Variants in CORO2B observed in about 807,000 individuals in gnomAD.
The protein encoded by CORO2B is coronin 2B.
CORO2B carries 26 observed loss-of-function variants against 58.8 expected under a neutral mutation model. The ratio of observed to expected loss-of-function variants is 0.44; its 90% CI spans 0.32 to 0.61. The LOEUF (loss-of-function observed/expected upper bound fraction) is 0.61. CORO2B is among the 20% of genes least tolerant of loss of function. The pLI, the probability that CORO2B is intolerant of heterozygous loss-of-function variation, is 0.04. For synonymous variants in CORO2B, 242 were observed against 253.8 expected (o/e 0.95, Z 0.44); for missense variants, 460 against 645.1 (o/e 0.71, Z 3.11).
At chr15:68,679,188 C>T (rs888278884) in intron 2 of CORO2B, among the ~76,000 whole-genome samples, 2 of 152,214 alleles carry the variant, frequency 1.3e-5, no homozygotes, top group Non-Finnish European at 2.9e-5. Flanking sequence ...GGGAATCATC[C>T]CATCTTATTC....
the CORO2B span, among the ~76,000 whole-genome samples, chr15:68,560,344 G>C: frequency 6.7e-6 from 1 of 150,142 alleles, no homozygotes; most frequent in Non-Finnish European, 1.5e-5. Context: ...ACCCAGGCTG[G>C]AGTGCAGTGG....
chr15:68,725,745 G>A (rs747541173), intron 11 of CORO2B, 98 bp from the exon 12 acceptor site: 488 of 1,512,230 alleles, frequency 3.2e-4, no homozygotes, highest in Non-Finnish European at 4.2e-4. Flanking sequence ...GGAATGTGAG[G>A]GCACGGGCGG....
At chr15:68,644,272 A>C (rs1427266239) in intron 1 of CORO2B, among the ~76,000 whole-genome samples, 1 of 152,198 alleles carries the variant, frequency 6.6e-6, no homozygotes, top group Non-Finnish European at 1.5e-5. Flanking sequence ...TCATCACATG[A>C]GACTCTCCAG....
At chr15:68,709,915 G>A (rs1375413649) in intron 3 of CORO2B, among the ~76,000 whole-genome samples, 1 of 152,108 alleles carries the variant, frequency 6.6e-6, no homozygotes, top group Non-Finnish European at 1.5e-5. Flanking sequence ...TGATTAAATA[G>A]TTGAAGCTAT....
At chr15:68,559,128 G>A in the CORO2B span, among the ~76,000 whole-genome samples, 6 of 152,054 alleles carry the variant, frequency 3.9e-5, no homozygotes, top group Admixed American at 2.6e-4. The surrounding 1 kb of genome is among the most constrained non-coding windows in gnomAD (Gnocchi z 4.3). Flanking sequence ...CCAGGAGAGC[G>A]GCCGGCACCC....
At position 68,579,154 on chromosome 15, in the gene CORO2B, GC is replaced by G. The variant is rs1397967924; in HGVS notation, c.-108del. The G allele has an allele frequency of 1.0e-6, 1 of 980,968 alleles. No individual in the cohort carries two copies. Among genetic ancestry groups the G allele is most frequent in the Non-Finnish European group, 1.2e-6 (1 of 828,142 alleles). The allele number at this position is 980,968 out of a possible 1,614,324, so 60.8% of individuals were successfully genotyped here. A position where few individuals can be genotyped will look rare whatever the true frequency, so the allele number is the denominator to read the frequency against. On this transcript the variant is annotated 5_prime_UTR_variant, in exon 1 of 12. Transcript: ENST00000261861. Reference sequence around the variant, plus strand: ...GGCTCGGCCGAGCCGCCGGCGGGGCGCGGGGAGCGAGCCGGGAGCTGCCGGA... The same window carrying G: ...GGCTCGGCCGAGCCGCCGGCGGGGCGGGGGAGCGAGCCGGGAGCTGCCGGA...
intron 1 of CORO2B, among the ~76,000 whole-genome samples, chr15:68,594,426 G>T (rs11634526): frequency 1.3e-5 from 2 of 152,204 alleles, no homozygotes; most frequent in Non-Finnish European, 2.9e-5. Flanking sequence ...GCTCTCACCA[G>T]GTTCCCCAGC....
intron 3 of CORO2B, among the ~76,000 whole-genome samples, chr15:68,703,079 G>A (rs954327960): frequency 4.0e-5 from 6 of 150,060 alleles, no homozygotes; most frequent in South Asian, 2.1e-4. Context: ...CACCCGCCTC[G>A]CATCCCAAAG....
chr15:68,683,741 A>G (rs1031721215), intron 2 of CORO2B, among the ~76,000 whole-genome samples: 4 of 152,060 alleles, frequency 2.6e-5, no homozygotes, highest in African/African-American at 9.7e-5. Context: ...AGCATGTTCT[A>G]CCTCTCGGCA....
chr15:68,585,756 C>T (rs1430770799), intron 1 of CORO2B, among the ~76,000 whole-genome samples: 1 of 152,172 alleles, frequency 6.6e-6, no homozygotes, highest in East Asian at 1.9e-4. Context: ...TGGTTGTGTC[C>T]TGCTTAGATT....
intron 3 of CORO2B, among the ~76,000 whole-genome samples, chr15:68,701,310 CT>C (rs977104029): frequency 6.6e-6 from 1 of 151,224 alleles, no homozygotes; most frequent in East Asian, 2.0e-4. Flanking sequence ...TCTTTTTTTT[CT>C]TTTTTTTCTT....
At chr15:68,628,655 C>A (rs1900746794) in intron 1 of CORO2B, among the ~76,000 whole-genome samples, 1 of 152,198 alleles carries the variant, frequency 6.6e-6, no homozygotes, top group Non-Finnish European at 1.5e-5. Context: ...CACATCAGCT[C>A]CATGAGGAGG....
At chr15:68,650,900 C>T (rs957906967) in intron 2 of CORO2B, among the ~76,000 whole-genome samples, 1 of 152,184 alleles carries the variant, frequency 6.6e-6, no homozygotes, top group Admixed American at 6.5e-5. Context: ...GGGCCCCATC[C>T]GCTAGGTTTG....
intron 2 of CORO2B, among the ~76,000 whole-genome samples, chr15:68,648,385 G>A (rs1469324939): frequency 6.6e-6 from 1 of 151,254 alleles, no homozygotes; most frequent in Non-Finnish European, 1.5e-5. Flanking sequence ...AGTGGCTCAC[G>A]CCTGTAATCC....
chr15:68,556,497 T>G, the CORO2B span, among the ~76,000 whole-genome samples: 1 of 152,160 alleles, frequency 6.6e-6, no homozygotes, highest in Non-Finnish European at 1.5e-5. Flanking sequence ...GGTCCTTCAG[T>G]GCAAGGCTGA....
At chr15:68,622,970 G>C (rs966094072) in intron 1 of CORO2B, among the ~76,000 whole-genome samples, 3 of 152,046 alleles carry the variant, frequency 2.0e-5, no homozygotes. Flanking sequence ...GTCAGCCCTA[G>C]GAGGTAAACC....
At chr15:68,617,668 G>T (rs981476230) in intron 1 of CORO2B, among the ~76,000 whole-genome samples, 2 of 152,138 alleles carry the variant, frequency 1.3e-5, no homozygotes, top group African/African-American at 2.4e-5. Flanking sequence ...TTTTGGGTGG[G>T]CAATGCTGGC....
the CORO2B span, among the ~76,000 whole-genome samples, chr15:68,524,858 TATGTTGCAG>T: frequency 6.6e-6 from 1 of 152,232 alleles, no homozygotes; most frequent in South Asian, 2.1e-4. Context: ...TGATTTATAT[TATGTTGCAG>T]CAGCTGATCA....
At chr15:68,725,386 T>C (rs1227658359) in intron 11 of CORO2B, among the ~76,000 whole-genome samples, 1 of 151,852 alleles carries the variant, frequency 6.6e-6, no homozygotes, top group African/African-American at 2.4e-5. Context: ...AATAAATACA[T>C]AAATTAGCAA....
Sources: gnomAD v4.1 joint callset for allele counts (sites outside exome capture counted in the v4.1 genomes callset) on GRCh38, gnomAD v4.1.1 for gene constraint, Gnocchi (gnomAD v3.1) non-coding constraint, MANE v1.5 for transcripts, NCBI Gene and HGNC (gene_info 2026-07-23, HGNC 2026-07-21) for gene names.